Variants in DNAAF9 observed in about 807,000 individuals in gnomAD.
DNAAF9 encodes the protein shulin.
Under a neutral mutation model 167.0 loss-of-function variants are expected in DNAAF9, and 90 were observed. The ratio of observed to expected loss-of-function variants is 0.54; its 90% CI spans 0.45 to 0.64. The LOEUF (loss-of-function observed/expected upper bound fraction) is 0.64, where lower values mean the gene tolerates loss of function less well. Among genes scored for constraint, DNAAF9 ranks in the 30% least tolerant of loss-of-function variants. The pLI is 0.00. For synonymous variants in DNAAF9, 491 were observed against 508.8 expected (o/e 0.96, Z 0.47); for missense variants, 1,315 against 1,442.2 (o/e 0.91, Z 1.43).
rs750621140 is a variant in DNAAF9, at chr20:3,340,719, A to C, written c.846-80T>G. 339 of 1,366,882 alleles carry C rather than the reference A, an allele frequency of 2.5e-4. 2 individuals carry two copies. Among genetic ancestry groups the C allele is most frequent in the Non-Finnish European group, 2.8e-4 (270 of 962,132 alleles). 84.7% of individuals were successfully genotyped at this position (1,366,882 alleles called of 1,614,324 possible). On this transcript the variant is annotated intron_variant, in intron 9 of 36. Transcript: ENST00000252032. Reference sequence around the variant, plus strand: ...CCTTCCATGACCTTAATAAGTCCTCAGGCTTTTCTGAGGGACACTTGCGGC... The same window carrying C: ...CCTTCCATGACCTTAATAAGTCCTCCGGCTTTTCTGAGGGACACTTGCGGC...
intron 34 of DNAAF9, among the ~76,000 whole-genome samples, chr20:3,255,567 C>A (rs1044691617): frequency 8.5e-5 from 13 of 152,224 alleles, no homozygotes; most frequent in African/African-American, 3.1e-4. Flanking sequence ...CTCAACCCTA[C>A]CAATGAGAGG....
intron 10 of DNAAF9, among the ~76,000 whole-genome samples, chr20:3,337,964 T>A (rs1485529835): frequency 7.4e-6 from 1 of 135,114 alleles, no homozygotes; most frequent in Non-Finnish European, 1.6e-5. Flanking sequence ...TTCTGATATA[T>A]ATATATAATA....
At chr20:3,352,672 T>C (rs1394750611) in intron 7 of DNAAF9, among the ~76,000 whole-genome samples, 1 of 152,106 alleles carries the variant, frequency 6.6e-6, no homozygotes, top group Non-Finnish European at 1.5e-5. Context: ...TGCAGAGATA[T>C]TACAGGAATT....
At chr20:3,338,041 T>A (rs930955374) in intron 10 of DNAAF9, among the ~76,000 whole-genome samples, 1 of 148,198 alleles carries the variant, frequency 6.7e-6, no homozygotes, top group Admixed American at 6.8e-5. Context: ...AATTAAAATA[T>A]ATAATATATG....
chr20:3,322,341 C>T, intron 15 of DNAAF9, 79 bp from the exon 16 acceptor site: 1 of 1,132,576 alleles, frequency 8.8e-7, no homozygotes, highest in South Asian at 1.3e-5. Context: ...CTTTTTTCAA[C>T]TTGGCAATGA....
chr20:3,399,009 AAC>A (rs1193727424), intron 1 of DNAAF9, among the ~76,000 whole-genome samples: 1 of 152,228 alleles, frequency 6.6e-6, no homozygotes, highest in African/African-American at 2.4e-5. Context: ...TGAAGGGACA[AAC>A]ACACACATAT....
At chr20:3,402,128 CTT>C (rs2083996628) in intron 1 of DNAAF9, among the ~76,000 whole-genome samples, 2 of 152,178 alleles carry the variant, frequency 1.3e-5, no homozygotes, top group South Asian at 2.1e-4. Flanking sequence ...AAAAGGCACT[CTT>C]TGCTCCACTA....
At chr20:3,386,179 A>G (rs948799726) in intron 1 of DNAAF9, among the ~76,000 whole-genome samples, 4 of 152,300 alleles carry the variant, frequency 2.6e-5, no homozygotes, top group Non-Finnish European at 4.4e-5. Context: ...ATAGCTTAAA[A>G]CTGTTTTGAA....
intron 28 of DNAAF9, among the ~76,000 whole-genome samples, chr20:3,280,311 C>T (rs945653351): frequency 6.6e-6 from 1 of 151,992 alleles, no homozygotes; most frequent in Non-Finnish European, 1.5e-5. Context: ...GCCTGTAATC[C>T]CAGCACTTTT....
intron 12 of DNAAF9, among the ~76,000 whole-genome samples, chr20:3,329,831 T>C (rs2069787900): frequency 6.6e-6 from 1 of 152,248 alleles, no homozygotes; most frequent in Non-Finnish European, 1.5e-5. Context: ...TCAGCACTAA[T>C]GAGTTTATTT....
chr20:3,350,654 T>C (rs2070305256), intron 7 of DNAAF9, among the ~76,000 whole-genome samples: 1 of 152,160 alleles, frequency 6.6e-6, no homozygotes, highest in Non-Finnish European at 1.5e-5. Context: ...TGAGAGTGGG[T>C]CTCAGACAGG....
intron 8 of DNAAF9, among the ~76,000 whole-genome samples, chr20:3,347,072 C>G (rs1335994036): frequency 6.6e-6 from 1 of 151,880 alleles, no homozygotes; most frequent in African/African-American, 2.4e-5. Flanking sequence ...ATACCATAAT[C>G]AAACTACTCA....
At chr20:3,266,371 C>G (rs2068490219) in intron 30 of DNAAF9, among the ~76,000 whole-genome samples, 1 of 152,100 alleles carries the variant, frequency 6.6e-6, no homozygotes, top group Non-Finnish European at 1.5e-5. Context: ...TTTTTTTCTT[C>G]AACAGTCTTT....
At chr20:3,280,550 A>G (rs1282239509) in intron 28 of DNAAF9, among the ~76,000 whole-genome samples, 1 of 149,864 alleles carries the variant, frequency 6.7e-6, no homozygotes, top group Non-Finnish European at 1.5e-5. Context: ...GGGCAACAAG[A>G]GCAAAACTCC....
chr20:3,361,947 C>T (rs369366336), intron 6 of DNAAF9: 17 of 1,529,074 alleles, frequency 1.1e-5, no homozygotes, highest in South Asian at 6.7e-5. Context: ...CATCATTAGG[C>T]GCCGAAACTC....
rs532339060 is a variant in DNAAF9, at chr20:3,376,400, G to C, written c.284-98C>G. On this transcript the variant is annotated intron_variant, in intron 3 of 36. Coordinates refer to ENST00000252032, the MANE Select transcript of DNAAF9 (RefSeq NM_001009984.3). ...TAGTAAAACCATTGAAACTACTTCA[G>C]AGACAATGTAACAAAACTCTAAACT... 20 of 984,456 alleles carry C rather than the reference G, an allele frequency of 2.0e-5. 1 individual carries two copies. In the South Asian group the frequency reaches 2.3e-4, roughly 11 times the overall value. 61.0% of individuals were successfully genotyped at this position (984,456 alleles called of 1,614,324 possible). A position where few individuals can be genotyped will look rare whatever the true frequency, so the allele number is the denominator to read the frequency against.
chr20:3,340,950 A>C (rs1036182583), intron 9 of DNAAF9, among the ~76,000 whole-genome samples: 33 of 152,196 alleles, frequency 2.2e-4, no homozygotes, highest in African/African-American at 7.7e-4. Flanking sequence ...TGATAGAGCA[A>C]AACTCCGGTA....
At position 3,326,198 on chromosome 20, in the gene DNAAF9, T is replaced by C; in HGVS notation, c.1187A>G (p.Lys396Arg). 1 of 1,587,174 alleles carries C rather than the reference T, an allele frequency of 6.3e-7. No homozygotes were observed. The highest frequency in any genetic ancestry group is 8.7e-7 in the Non-Finnish European group (1 of 1,155,598). The part of the protein sequence containing the change: ...ACYAKTSSLT[K>R]AKEVAEQTLG... Reference sequence around the variant, plus strand: ...AGGGAAACATGGTATTTAAATTACCTTTGTTAGACTGGAAGTTTTAGCATA... The same window carrying C: ...AGGGAAACATGGTATTTAAATTACCCTTGTTAGACTGGAAGTTTTAGCATA... Residue 396 changes from lysine (K) to arginine (R), a missense_variant and splice_region_variant, in exon 13 of 37, where the codon AAG becomes AGG. Physicochemically the swap from Lys to Arg is conservative, Grantham distance 26. Around this residue, in one of 2 missense-constraint regions of DNAAF9, gnomAD observed 981 missense variants for 1,012.5 expected, o/e 0.97. Coordinates refer to ENST00000252032, the MANE Select transcript of DNAAF9 (RefSeq NM_001009984.3).
rs1178750984 is a variant in DNAAF9 at position 3,336,252 on chromosome 20, G to GTTTTTTTTTTTTTTTTTTTTTTTT, written c.982-3892_982-3891insAAAAAAAAAAAAAAAAAAAAAAAA. 1.5e-4 allele frequency among the ~76,000 whole-genome samples: 12 copies of GTTTTTTTTTTTTTTTTTTTTTTTT among 81,444 alleles called. 1 individual carries two copies. The highest frequency in any genetic ancestry group is 3.6e-4 in the African/African-American group (7 of 19,634). 53.4% of individuals were successfully genotyped at this position (81,444 alleles called of 152,430 possible). On this transcript the variant is annotated intron_variant, in intron 10 of 36. Coordinates refer to ENST00000252032, the MANE Select transcript of DNAAF9 (RefSeq NM_001009984.3). ...TGATTTTGCAGATTCACAGTTTTGC[G>GTTTTTTTTTTTTTTTTTTTTTTTT]TTTTTGTTTTTTTTTTTTTTTTTGC...
Sources: allele counts gnomAD v4.1 joint callset (sites outside exome capture counted in the v4.1 genomes callset), GRCh38; gene constraint gnomAD v4.1.1; regional missense constraint gnomAD v4.1.1; transcripts MANE v1.5; gene names NCBI Gene and HGNC (gene_info 2026-07-23, HGNC 2026-07-21).